ADGRF5: variants seen among roughly 807,000 people sequenced by gnomAD.
ADGRF5 encodes the protein G-protein coupled receptor 116.
A neutral mutation model predicts 132.3 loss-of-function variants in ADGRF5; 75 were observed. The observed-to-expected ratio is 0.57, with a 90% CI of 0.47 to 0.69. The LOEUF (loss-of-function observed/expected upper bound fraction) is 0.69, where lower values mean the gene tolerates loss of function less well. Ranked by LOEUF, ADGRF5 falls within the 30% of genes least tolerant of loss-of-function variation. ADGRF5 has a pLI of 0.00. For synonymous variants in ADGRF5, 629 were observed against 597.6 expected (o/e 1.05, Z -0.77); for missense variants, 1,516 against 1,630.6 (o/e 0.93, Z 1.21).
intron 4 of ADGRF5, among the ~76,000 whole-genome samples, chr6:46,887,264 A>G (rs1773153653): frequency 6.6e-6 from 1 of 152,240 alleles, no homozygotes. Flanking sequence ...ATTGACTAAA[A>G]TCTATCCAAT....
chr6:46,909,836 T>C (rs952009414), intron 1 of ADGRF5, among the ~76,000 whole-genome samples: 1 of 141,944 alleles, frequency 7.0e-6, no homozygotes, highest in Non-Finnish European at 1.5e-5. Flanking sequence ...AACAAAAAAG[T>C]TTTTTTTTTT....
chr6:46,878,254 A>G lies in ADGRF5; in HGVS notation c.1188T>C (p.Asn396=), dbSNP rs1383131973. 1.2e-6 allele frequency: 2 copies of G among 1,613,642 alleles called. No homozygotes were observed. The highest frequency in any genetic ancestry group is 8.5e-7 in the Non-Finnish European group (1 of 1,179,746). The change falls in exon 10 of 21, where the codon AAT becomes AAC. Residue 396 remains asparagine (N), a synonymous_variant. Transcript: ENST00000283296. The part of the protein sequence containing the change: ...PVSLNCCSQG[N]VNWSKVEWKQ... Reference sequence around the variant, plus strand: ...TCCATTCTACTTTGCTCCAATTAACATTACCCTGACTGCAGCAGTTCAAAG... The same window carrying G: ...TCCATTCTACTTTGCTCCAATTAACGTTACCCTGACTGCAGCAGTTCAAAG...
At chr6:46,924,308 A>G (rs1195156874), upstream of ADGRF5, among the ~76,000 whole-genome samples, 2 of 152,186 alleles carry the variant, frequency 1.3e-5, no homozygotes, top group African/African-American at 2.4e-5. Flanking sequence ...ACTGCATTCA[A>G]ACAATCCATC....
chr6:46,912,165 C>T (rs1356361373), intron 1 of ADGRF5, among the ~76,000 whole-genome samples: 3 of 152,092 alleles, frequency 2.0e-5, no homozygotes, highest in African/African-American at 7.2e-5. Flanking sequence ...AGGATTTGAA[C>T]CTAGAAAGTC....
intron 11 of ADGRF5, among the ~76,000 whole-genome samples, chr6:46,871,047 G>T (rs1485061954): frequency 1.3e-5 from 2 of 151,268 alleles, no homozygotes; most frequent in East Asian, 3.9e-4. Context: ...ACATAATCTT[G>T]ATCTTTGTAA....
intron 10 of ADGRF5, among the ~76,000 whole-genome samples, chr6:46,876,329 G>A (rs1771649415): frequency 1.3e-5 from 2 of 152,214 alleles, no homozygotes; most frequent in Admixed American, 1.3e-4. Flanking sequence ...TTTGCCAGAA[G>A]GCCAGGTTTT....
intron 17 of ADGRF5, among the ~76,000 whole-genome samples, chr6:46,857,450 C>T (rs540490778): frequency 6.6e-6 from 1 of 152,294 alleles, no homozygotes; most frequent in African/African-American, 2.4e-5. Flanking sequence ...CTATCCTTAC[C>T]ACCTCTCCAT....
chr6:46,893,244 A>C (rs1412895693), intron 3 of ADGRF5, among the ~76,000 whole-genome samples: 1 of 152,008 alleles, frequency 6.6e-6, no homozygotes, highest in Non-Finnish European at 1.5e-5. Context: ...TTGCTTGAGG[A>C]ATAGCAAGAA....
intron 15 of ADGRF5, among the ~76,000 whole-genome samples, chr6:46,862,361 C>T (rs484874): frequency 0.84 from 127,197 of 152,150 alleles, 54,974 homozygotes; most frequent in East Asian, 0.99. Flanking sequence ...TGTTACATAG[C>T]GGTAACCTCT....
At chr6:46,931,635 C>T (rs1777560795) in intron 1 of ADGRF5, among the ~76,000 whole-genome samples, 1 of 152,238 alleles carries the variant, frequency 6.6e-6, no homozygotes, top group Non-Finnish European at 1.5e-5. Context: ...GGCCCAGGGG[C>T]CCACTGTCCT....
intron 1 of ADGRF5, among the ~76,000 whole-genome samples, chr6:46,951,592 A>T (rs920856471): frequency 6.6e-6 from 1 of 152,210 alleles, no homozygotes; most frequent in Non-Finnish European, 1.5e-5. Context: ...GTGAGGGATG[A>T]TGTCAGGAAC....
In ADGRF5 at chr6:46,860,724, T is replaced by A. The variant is rs769988113; in HGVS notation, c.2370A>T (p.Glu790Asp). Residue 790 changes from glutamate (E) to aspartate (D), a missense_variant, in exon 16 of 21, where the codon GAA (glutamate) becomes GAT (aspartate). Transcript: ENST00000283296. Reference sequence around the variant, plus strand: ...GGTTAAGCAAACTCACCGTCATCATTTCTGAATTTACTTGGGTTGGAACTG... The same window carrying A: ...GGTTAAGCAAACTCACCGTCATCATATCTGAATTTACTTGGGTTGGAACTG... The part of the protein sequence containing the change: ...LSTVPTQVNS[E>D]MMTHVLSTVN... The A allele has an allele frequency of 6.2e-7, 1 of 1,611,014 alleles. No homozygotes were observed. Among genetic ancestry groups the A allele is most frequent in the Admixed American group, 1.7e-5 (1 of 59,792 alleles).
At chr6:46,919,796 C>A (rs1776755860) in intron 1 of ADGRF5, among the ~76,000 whole-genome samples, 1 of 152,182 alleles carries the variant, frequency 6.6e-6, no homozygotes. Flanking sequence ...TGGAGAAACC[C>A]TGTAAAGAAC....
rs552222488 is a variant in ADGRF5, at chr6:46,950,977, C to T, written c.-25+3757G>A. On this transcript the variant is annotated intron_variant, in intron 1 of 20. Coordinates refer to the ADGRF5 transcript ENST00000265417. Reference sequence around the variant, plus strand: ...AAAAACCAGGTCTGCCTCTTTCTAGCCCACAACATGCCTCTCATTAAAAAA... The same window carrying T: ...AAAAACCAGGTCTGCCTCTTTCTAGTCCACAACATGCCTCTCATTAAAAAA... 4.6e-5 allele frequency among the ~76,000 whole-genome samples: 7 copies of T among 152,302 alleles called. No homozygotes were observed. The East Asian group carries it at 1.3e-3, about 29-fold the overall frequency.
chr6:46,949,115 G>T (rs2113844387), intron 1 of ADGRF5, among the ~76,000 whole-genome samples: 1 of 152,272 alleles, frequency 6.6e-6, no homozygotes, highest in East Asian at 1.9e-4. Flanking sequence ...TTTTAAGAAA[G>T]CTAACTTAGG....
intron 1 of ADGRF5, among the ~76,000 whole-genome samples, chr6:46,934,494 T>C (rs1238245234): frequency 6.6e-6 from 1 of 152,238 alleles, no homozygotes; most frequent in Non-Finnish European, 1.5e-5. Flanking sequence ...CAAATTTGTA[T>C]GTGCCAAATA....
rs1408672500 is a variant in ADGRF5, at chr6:46,859,015, T to C, written c.2888A>G (p.Asn963Ser). ...KCVFWNFRLA[N>S]NTGGWDSSGC... ...ACTGCTGTCCCACCCCCCTGTGTTGTTGGCAAGCCTGAAGTTCCAGAAGAC... is the reference window on the plus strand; with the variant it reads ...ACTGCTGTCCCACCCCCCTGTGTTGCTGGCAAGCCTGAAGTTCCAGAAGAC... The change falls in exon 17 of 21, where the codon AAC (asparagine) becomes AGC (serine). Residue 963 changes from asparagine to serine, a missense_variant. This residue lies in a region of ADGRF5 where 571 missense variants were observed against 701.2 expected (regional missense o/e 0.81). Coordinates refer to ENST00000283296, the MANE Select transcript of ADGRF5 (RefSeq NM_001098518.2). The C allele has an allele frequency of 3.7e-5, 59 of 1,614,088 alleles. No homozygotes were observed. The highest frequency in any genetic ancestry group is 4.7e-5 in the Non-Finnish European group (56 of 1,180,034).
intron 1 of ADGRF5, among the ~76,000 whole-genome samples, chr6:46,913,623 A>C (rs1776167846): frequency 6.6e-6 from 1 of 152,214 alleles, no homozygotes; most frequent in Non-Finnish European, 1.5e-5. Flanking sequence ...TCAGCAAAGG[A>C]AATCCCATTG....
At chr6:46,866,898 C>T (rs1173329909) in intron 13 of ADGRF5, 27 bp downstream of exon 13, 1 of 1,402,604 alleles carries the variant, frequency 7.1e-7, no homozygotes, top group Non-Finnish European at 1.0e-6. Flanking sequence ...ATAATATACC[C>T]TAACAATTCA....
Sources: allele counts gnomAD v4.1 joint callset (sites outside exome capture counted in the v4.1 genomes callset), GRCh38; gene constraint gnomAD v4.1.1; regional missense constraint gnomAD v4.1.1; transcripts MANE v1.5; gene names NCBI Gene and HGNC (gene_info 2026-07-23, HGNC 2026-07-21).